The following ACER1 variants were observed in gnomAD, a reference collection of about 807,000 sequenced individuals.
The protein encoded by ACER1 is CTB-180A7.3.
A neutral mutation model predicts 24.9 loss-of-function variants in ACER1; 28 were observed. The observed-to-expected ratio is 1.13, with a 90% CI of 0.83 to 1.54. The LOEUF (loss-of-function observed/expected upper bound fraction) is 1.54, where lower values mean the gene tolerates loss of function less well. Ranked by LOEUF, ACER1 falls within the 40% of genes most tolerant of loss-of-function variation. The pLI is 0.00. For missense variants in ACER1, 352 were observed against 349.3 expected (o/e 1.01, Z -0.06); for synonymous variants, 132 against 131.4 (o/e 1.00, Z -0.03).
intron 1 of ACER1, among the ~76,000 whole-genome samples, chr19:6,317,911 T>C (rs1600238589): frequency 6.6e-6 from 1 of 151,942 alleles, no homozygotes; most frequent in African/African-American, 2.4e-5. Context: ...CTCACCACCA[T>C]GTATGTCTAA....
chr19:6,334,721 T>A (rs2091705842), upstream of ACER1, among the ~76,000 whole-genome samples: 1 of 152,018 alleles, frequency 6.6e-6, no homozygotes, highest in Admixed American at 6.6e-5. Context: ...TGCTCACCTG[T>A]CATATGGAGA....
In ACER1 at chr19:6,319,243, T is replaced by C. The variant is rs1431594219; in HGVS notation, c.94-6744A>G. Among the ~76,000 whole-genome samples, 5 of 152,136 alleles carry C rather than the reference T, an allele frequency of 3.3e-5. No homozygotes were observed. In the East Asian group the frequency reaches 5.8e-4, roughly 18 times the overall value. On this transcript the variant is annotated intron_variant, in intron 1 of 5. Transcript: ENST00000301452. ...GGAGGACAGAGACTGTGGGTGGAGA[T>C]ACTGACTAATGGGGGACCCCGACTA...
chr19:6,356,385 T>C, the ACER1 span, among the ~76,000 whole-genome samples: 2 of 149,538 alleles, frequency 1.3e-5, no homozygotes, highest in African/African-American at 5.0e-5. Flanking sequence ...CTTGTTCACT[T>C]GTTTATCTGC....
chr19:6,315,266 C>T (rs376404794), intron 1 of ACER1, among the ~76,000 whole-genome samples: 5 of 151,958 alleles, frequency 3.3e-5, no homozygotes, highest in African/African-American at 7.2e-5. Context: ...TGCAGTGACA[C>T]GATCATGGGT....
the ACER1 span, among the ~76,000 whole-genome samples, chr19:6,350,400 A>G: frequency 6.6e-6 from 1 of 151,904 alleles, no homozygotes; most frequent in African/African-American, 2.4e-5. Flanking sequence ...TTAAAGTATA[A>G]TAATAATAAA....
the ACER1 span, among the ~76,000 whole-genome samples, chr19:6,347,109 A>AAAAAAAAAATATATATATAT: frequency 1.5e-4 from 17 of 113,774 alleles, no homozygotes; most frequent in African/African-American, 8.1e-4. Flanking sequence ...AAAAAAAAAA[A>AAAAAAAAAATATATATATAT]ATATATATAT....
the ACER1 span, among the ~76,000 whole-genome samples, chr19:6,344,146 A>C: frequency 6.6e-6 from 1 of 151,974 alleles, no homozygotes; most frequent in Non-Finnish European, 1.5e-5. Context: ...AAAATACAAA[A>C]TATTAGCCAG....
At chr19:6,313,500 G>A (rs907098309) in intron 1 of ACER1, among the ~76,000 whole-genome samples, 2 of 152,182 alleles carry the variant, frequency 1.3e-5, no homozygotes, top group African/African-American at 4.8e-5. Context: ...CCCAGCCTTC[G>A]CTGCAGTTCA....
At chr19:6,330,862 T>C (rs988825935) in intron 1 of ACER1, among the ~76,000 whole-genome samples, 17 of 149,558 alleles carry the variant, frequency 1.1e-4, no homozygotes, top group Non-Finnish European at 1.5e-4. Context: ...ATAATCCCAC[T>C]TCCCAGGTAT....
At chr19:6,351,811 C>T in the ACER1 span, among the ~76,000 whole-genome samples, 2 of 152,092 alleles carry the variant, frequency 1.3e-5, no homozygotes, top group Non-Finnish European at 2.9e-5. Context: ...AATCCCAGCA[C>T]TTTGGGAGGC....
chr19:6,320,920 C>T (rs1185493165), intron 1 of ACER1, among the ~76,000 whole-genome samples: 2 of 151,566 alleles, frequency 1.3e-5, no homozygotes, highest in Non-Finnish European at 2.9e-5. Context: ...TCTCTGGGTG[C>T]TGTATTCACT....
At chr19:6,352,326 A>G in the ACER1 span, among the ~76,000 whole-genome samples, 3 of 152,158 alleles carry the variant, frequency 2.0e-5, no homozygotes, top group African/African-American at 7.2e-5. Flanking sequence ...TAAGAAGACA[A>G]GTAGCTTTTG....
chr19:6,306,858 G>A lies in ACER1; in HGVS notation c.651C>T (p.Phe217=). 6.2e-7 allele frequency: 1 copy of A among 1,613,938 alleles called. No individual in the cohort carries two copies. Among genetic ancestry groups the A allele is most frequent in the South Asian group, 1.1e-5 (1 of 91,044 alleles). Reference sequence around the variant, plus strand: ...AGGCCATGGTGACCATGCCATAAGGGAAGGTGATGCTGATGAGCACATGCC... The same window carrying A: ...AGGCCATGGTGACCATGCCATAAGGAAAGGTGATGCTGATGAGCACATGCC... ...SIWHVLISIT[F]PYGMVTMALV... Residue 217 remains phenylalanine, a synonymous_variant, in exon 6 of 6, where the codon TTC becomes TTT. Transcript: ENST00000301452.
chr19:6,349,673 C>T, the ACER1 span, among the ~76,000 whole-genome samples: 1 of 152,102 alleles, frequency 6.6e-6, no homozygotes, highest in African/African-American at 2.4e-5. Flanking sequence ...AATACCCAGG[C>T]CTTTATTCCT....
chr19:6,319,674 G>C (rs2091620586), intron 1 of ACER1, among the ~76,000 whole-genome samples: 1 of 152,112 alleles, frequency 6.6e-6, no homozygotes, highest in Admixed American at 6.6e-5. Context: ...CCTACTTCCA[G>C]AGGCTGCTGT....
the ACER1 span, among the ~76,000 whole-genome samples, chr19:6,356,107 T>C: frequency 6.6e-6 from 1 of 151,348 alleles, no homozygotes; most frequent in Admixed American, 6.6e-5. Flanking sequence ...ACGGGAGACT[T>C]TTCATTTTGT....
At chr19:6,324,017 T>C (rs778307209) in intron 1 of ACER1, among the ~76,000 whole-genome samples, 1 of 152,096 alleles carries the variant, frequency 6.6e-6, no homozygotes, top group Non-Finnish European at 1.5e-5. Flanking sequence ...CTCCACCCCC[T>C]TCCGACTCTG....
chr19:6,319,938 C>T (rs1236215012), intron 1 of ACER1, among the ~76,000 whole-genome samples: 3 of 151,840 alleles, frequency 2.0e-5, no homozygotes, highest in African/African-American at 7.3e-5. Context: ...ATGGAGAAAC[C>T]CTGTCTTTAC....
At chr19:6,313,175 G>T (rs1440692674) in intron 1 of ACER1, among the ~76,000 whole-genome samples, 1 of 152,086 alleles carries the variant, frequency 6.6e-6, no homozygotes, top group Non-Finnish European at 1.5e-5. Flanking sequence ...CTGGAGTGCA[G>T]TGGTGGGATC....
Sources: allele counts gnomAD v4.1 joint callset (sites outside exome capture counted in the v4.1 genomes callset), GRCh38; gene constraint gnomAD v4.1.1; transcripts MANE v1.5; gene names NCBI Gene and HGNC (gene_info 2026-07-23, HGNC 2026-07-21).